PRDM16: variants seen among roughly 807,000 people sequenced by gnomAD.
PRDM16 encodes the protein histone-lysine N-methyltransferase PRDM16.
Under a neutral mutation model 110.6 loss-of-function variants are expected in PRDM16, and 23 were observed. The ratio of observed to expected loss-of-function variants is 0.21; its 90% CI spans 0.15 to 0.29. The LOEUF (loss-of-function observed/expected upper bound fraction) is 0.29, where lower values mean the gene tolerates loss of function less well. Among genes scored for constraint, PRDM16 ranks in the 10% least tolerant of loss-of-function variants. The probability of loss-of-function intolerance (pLI) is 1.00; values close to 1 mark genes in which losing one functional copy is unlikely to be tolerated. For synonymous variants in PRDM16, 799 were observed against 781.8 expected (o/e 1.02, Z -0.37); for missense variants, 1,615 against 1,794.3 (o/e 0.90, Z 1.81).
chr1:3,214,055 C>G (rs1339505098), intron 2 of PRDM16, among the ~76,000 whole-genome samples: 3 of 152,174 alleles, frequency 2.0e-5, no homozygotes, highest in African/African-American at 7.2e-5. Flanking sequence ...ACAGCCCCGC[C>G]CCTTGTCTGC....
intron 1 of PRDM16, among the ~76,000 whole-genome samples, chr1:3,092,040 G>A (rs2100599506): frequency 6.6e-6 from 1 of 152,352 alleles, no homozygotes; most frequent in Non-Finnish European, 1.5e-5. Flanking sequence ...TAGAGGATAA[G>A]ATGGAGCCAG....
At chr1:3,363,985 C>T (rs1433957247) in intron 3 of PRDM16, among the ~76,000 whole-genome samples, 2 of 152,116 alleles carry the variant, frequency 1.3e-5, no homozygotes, top group African/African-American at 4.8e-5. Context: ...CGAGCCAGCC[C>T]GCTACGCACA....
rs1641203635 is a variant in PRDM16 at position 3,301,335 on chromosome 1, AAAAAAAAAAAAAAAG to A, written c.438+57210_438+57224del. ...GCAACAGAGCAAGATCCCATCTCAAAAAAAAAAAAAAAAAGAAAAAAAAAAAGGAAGGAAGGAGGA... is the reference window on the plus strand; with the variant it reads ...GCAACAGAGCAAGATCCCATCTCAAAAAAAAAAAAAAGGAAGGAAGGAGGA... On this transcript the variant is annotated intron_variant, in intron 3 of 16. Transcript: ENST00000270722. 1.1e-4 allele frequency among the ~76,000 whole-genome samples: 3 copies of A among 26,146 alleles called. No individual in the cohort carries two copies. The South Asian group carries it at 3.0e-3, about 26-fold the overall frequency. The allele number at this position is 26,146 out of a possible 152,430, so 17.2% of individuals were successfully genotyped here.
At chr1:3,346,145 G>T (rs1258918659) in intron 3 of PRDM16, among the ~76,000 whole-genome samples, 1 of 152,276 alleles carries the variant, frequency 6.6e-6, no homozygotes, top group Admixed American at 6.5e-5. Flanking sequence ...CCTAGGGAGA[G>T]ATTATTTAAT....
intron 1 of PRDM16, among the ~76,000 whole-genome samples, chr1:3,160,204 G>C (rs1643886995): frequency 6.6e-6 from 1 of 152,222 alleles, no homozygotes. Context: ...GATCCCCGGT[G>C]AGGCCGCGGT....
chr1:3,402,957 C>T lies in PRDM16; in HGVS notation c.843C>T (p.His281=), dbSNP rs201199516. The part of the protein sequence containing the change: ...EGLGGGSGQA[H]ECKDCERMFP... The stretch of plus-strand genomic sequence containing the variant: ...TTGGCGGTGGCAGCGGCCAAGCCCA[C>T]GAGTGCAAGGACTGCGAGCGGATGT... Residue 281 remains histidine, a synonymous_variant, in exon 6 of 17, where the codon CAC becomes CAT. Coordinates refer to ENST00000270722, the MANE Select transcript of PRDM16 (RefSeq NM_022114.4). The T allele has an allele frequency of 2.2e-5, 35 of 1,612,194 alleles. No homozygotes were observed. Among genetic ancestry groups the T allele is most frequent in the East Asian group, 6.7e-5 (3 of 44,846 alleles).
intron 1 of PRDM16, among the ~76,000 whole-genome samples, chr1:3,140,445 G>A (rs1643527365): frequency 1.3e-5 from 2 of 152,042 alleles, no homozygotes; most frequent in South Asian, 4.2e-4. Context: ...AGGTGATCCG[G>A]AGCCCAAGCT....
intron 3 of PRDM16, among the ~76,000 whole-genome samples, chr1:3,326,100 C>T (rs1169196161): frequency 1.5e-5 from 2 of 137,294 alleles, no homozygotes; most frequent in Admixed American, 1.4e-4. Flanking sequence ...CCTTGGCCAT[C>T]CTCGACCATC....
chr1:3,405,681 C>A (rs763713785), intron 8 of PRDM16, 33 bp downstream of exon 8: 15 of 1,528,930 alleles, frequency 9.8e-6, no homozygotes, highest in Admixed American at 2.0e-5. Context: ...CGCCTGCCCT[C>A]CGGGTGCGCG....
intron 16 of PRDM16, 59 bp downstream of exon 16, chr1:3,432,199 C>T: frequency 6.7e-7 from 1 of 1,496,994 alleles, no homozygotes; most frequent in South Asian, 1.2e-5. Context: ...CAGAGGACAG[C>T]CAGCACTCCT....
intron 10 of PRDM16, 144 bp downstream of exon 10, chr1:3,414,791 G>A (rs1643753147): frequency 3.0e-6 from 2 of 659,708 alleles, no homozygotes; most frequent in South Asian, 3.7e-5. Flanking sequence ...AGGCAGAGGA[G>A]GATTCTCTCC....
chr1:3,374,509 C>T (rs769880150), intron 3 of PRDM16, among the ~76,000 whole-genome samples: 3 of 152,224 alleles, frequency 2.0e-5, no homozygotes, highest in Non-Finnish European at 2.9e-5. Flanking sequence ...ACTCCCCCAC[C>T]GGCCCCGCAC....
intron 3 of PRDM16, among the ~76,000 whole-genome samples, chr1:3,341,075 C>T (rs980872337): frequency 2.8e-5 from 4 of 144,002 alleles, no homozygotes; most frequent in East Asian, 1.9e-4. Flanking sequence ...CCTGAGCCCT[C>T]GTTTCTCCCC....
chr1:3,310,339 C>A (rs1441906840), intron 3 of PRDM16, among the ~76,000 whole-genome samples: 1 of 152,182 alleles, frequency 6.6e-6, no homozygotes, highest in Non-Finnish European at 1.5e-5. Context: ...TGCCCCCCAC[C>A]CATCTTCCTA....
intron 3 of PRDM16, among the ~76,000 whole-genome samples, chr1:3,373,121 G>C (rs1642932942): frequency 6.6e-6 from 1 of 152,190 alleles, no homozygotes; most frequent in Admixed American, 6.5e-5. Context: ...GCTGAGCTCA[G>C]GCACACACAA....
intron 3 of PRDM16, among the ~76,000 whole-genome samples, chr1:3,323,296 C>G (rs547533526): frequency 6.6e-6 from 1 of 152,178 alleles, no homozygotes; most frequent in Non-Finnish European, 1.5e-5. Flanking sequence ...GGTGAGAGTC[C>G]GACCTCCTGG....
intron 1 of PRDM16, among the ~76,000 whole-genome samples, chr1:3,180,759 T>G (rs1207314480): frequency 6.6e-6 from 1 of 152,146 alleles, no homozygotes; most frequent in African/African-American, 2.4e-5. Flanking sequence ...AAACAGCGTT[T>G]CCCAACCCAG....
chr1:3,337,332 A>G (rs1221837693), intron 3 of PRDM16, among the ~76,000 whole-genome samples: 2 of 152,236 alleles, frequency 1.3e-5, no homozygotes, highest in Non-Finnish European at 2.9e-5. Flanking sequence ...GAGCTGGCAC[A>G]TTCTTCTCCC....
At chr1:3,291,927 C>T (rs1640981420) in intron 3 of PRDM16, among the ~76,000 whole-genome samples, 1 of 152,254 alleles carries the variant, frequency 6.6e-6, no homozygotes, top group Admixed American at 6.5e-5. Flanking sequence ...CCTCCTGGGC[C>T]TGTCTCCCCC....
Sources: gnomAD v4.1 joint callset for allele counts (sites outside exome capture counted in the v4.1 genomes callset) on GRCh38, gnomAD v4.1.1 for gene constraint, MANE v1.5 for transcripts, NCBI Gene and HGNC (gene_info 2026-07-23, HGNC 2026-07-21) for gene names.